The following SHANK2 variants were observed in gnomAD, a reference collection of about 807,000 sequenced individuals.
SHANK2 encodes the protein SH3 and multiple ankyrin repeat domains protein 2.
In SHANK2, 43 loss-of-function variants were observed where a neutral mutation model predicts 133.7. That is an observed-to-expected ratio of 0.32 (90% CI 0.25 to 0.41). The LOEUF is 0.41. Ranked by LOEUF, SHANK2 falls within the 10% of genes least tolerant of loss-of-function variation. The pLI is 1.00. For synonymous variants in SHANK2, 1,017 were observed against 952.8 expected, an observed-to-expected ratio of 1.07 and a Z score of -1.24; for missense variants, 1,994 against 2,235.8, an observed-to-expected ratio of 0.89 and a Z score of 2.18.
chr11:70,599,049 T>A (rs2060440821), intron 17 of SHANK2, among the ~76,000 whole-genome samples: 1 of 150,448 alleles, frequency 6.6e-6, no homozygotes, highest in Admixed American at 6.6e-5. Flanking sequence ...TTGCAGGTCC[T>A]AGCTAGCGGA....
At chr11:70,704,971 C>T (rs566961642) in intron 14 of SHANK2, among the ~76,000 whole-genome samples, 1 of 152,266 alleles carries the variant, frequency 6.6e-6, no homozygotes, top group South Asian at 2.1e-4. Flanking sequence ...ATTCCAAATG[C>T]AAGACCCCCA....
At chr11:71,215,517 G>T (rs1271468661) in intron 2 of SHANK2, among the ~76,000 whole-genome samples, 1 of 152,178 alleles carries the variant, frequency 6.6e-6, no homozygotes, top group Non-Finnish European at 1.5e-5. Context: ...CGAACGTGAG[G>T]TCAGGCCTGA....
intron 17 of SHANK2, among the ~76,000 whole-genome samples, chr11:70,549,693 G>C (rs1335425851): frequency 6.6e-6 from 1 of 152,168 alleles, no homozygotes. Flanking sequence ...GGGATGGGAC[G>C]AATGTATTAG....
chr11:70,800,684 A>G (rs945301775), intron 13 of SHANK2, among the ~76,000 whole-genome samples: 1 of 152,186 alleles, frequency 6.6e-6, no homozygotes, highest in Non-Finnish European at 1.5e-5. Context: ...CACTGCCTGA[A>G]GCATCTCCTC....
At chr11:70,489,206 A>T in intron 24 of SHANK2, 122 bp downstream of exon 24, 1 of 938,346 alleles carries the variant, frequency 1.1e-6, no homozygotes, top group Non-Finnish European at 1.8e-6. Context: ...TCCATTGACC[A>T]GTCACTCTGA....
intron 14 of SHANK2, among the ~76,000 whole-genome samples, chr11:70,718,810 G>GT (rs1310879010): frequency 1.3e-5 from 2 of 150,756 alleles, no homozygotes; most frequent in African/African-American, 4.9e-5. Context: ...ATTAGAAGGG[G>GT]TTGGGGATAC....
chr11:70,835,642 G>A (rs1555059874), intron 11 of SHANK2, among the ~76,000 whole-genome samples: 2 of 152,180 alleles, frequency 1.3e-5, no homozygotes, highest in African/African-American at 4.8e-5. Flanking sequence ...CTCTTGGAGT[G>A]AGCCATTCTC....
intron 17 of SHANK2, among the ~76,000 whole-genome samples, chr11:70,639,012 A>AC: frequency 7.2e-6 from 1 of 139,508 alleles, no homozygotes; most frequent in Non-Finnish European, 1.6e-5. Context: ...AAACAAAAAA[A>AC]CAAAAAAAAA....
intron 14 of SHANK2, among the ~76,000 whole-genome samples, chr11:70,792,195 TCAACCAAC>T (rs148250082): frequency 3.4e-5 from 5 of 145,112 alleles, no homozygotes; most frequent in African/African-American, 1.0e-4. Context: ...AGACAGCTAA[TCAACCAAC>T]CAACCAACCA....
intron 17 of SHANK2, among the ~76,000 whole-genome samples, chr11:70,505,432 G>A (rs890387092): frequency 6.6e-6 from 1 of 152,200 alleles, no homozygotes; most frequent in East Asian, 1.9e-4. Flanking sequence ...AGGCCAATGT[G>A]TGAGGCCTTG....
chr11:70,853,327 G>A (rs1254002028), intron 11 of SHANK2, among the ~76,000 whole-genome samples: 1 of 152,220 alleles, frequency 6.6e-6, no homozygotes, highest in African/African-American at 2.4e-5. Context: ...CAGCTTCCTG[G>A]GAGAGTCCAA....
chr11:70,918,984 T>A (rs1196447132), intron 10 of SHANK2, among the ~76,000 whole-genome samples: 1 of 151,878 alleles, frequency 6.6e-6, no homozygotes, highest in African/African-American at 2.4e-5. Flanking sequence ...GACAGCATAA[T>A]AAGACCCCAT....
At chr11:70,490,757 G>A (rs530484293) in intron 22 of SHANK2, among the ~76,000 whole-genome samples, 9 of 152,318 alleles carry the variant, frequency 5.9e-5, no homozygotes, top group Non-Finnish European at 1.3e-4. Context: ...GTGGTGGGCA[G>A]TGGGGTCTGG....
intron 21 of SHANK2, chr11:70,496,946 CTG>C: frequency 2.2e-6 from 1 of 456,648 alleles, no homozygotes; most frequent in South Asian, 1.5e-5. Flanking sequence ...ATCCCTGAAA[CTG>C]TGGCCACCTT....
chr11:70,938,715 G>A (rs1397834434), intron 10 of SHANK2, among the ~76,000 whole-genome samples: 5 of 152,150 alleles, frequency 3.3e-5, no homozygotes, highest in Non-Finnish European at 7.3e-5. Flanking sequence ...AAGCCCAGGA[G>A]CTGAGGAGGA....
At chr11:71,191,257 T>A (rs1953786588) in intron 2 of SHANK2, among the ~76,000 whole-genome samples, 1 of 152,194 alleles carries the variant, frequency 6.6e-6, no homozygotes, top group African/African-American at 2.4e-5. Context: ...CACAATTTAA[T>A]ACTGATAAAC....
intron 15 of SHANK2, among the ~76,000 whole-genome samples, chr11:70,676,973 A>G (rs181688781): frequency 4.6e-5 from 7 of 152,338 alleles, no homozygotes; most frequent in African/African-American, 1.7e-4. Context: ...ATTTCCCACT[A>G]ACCACAACAC....
Position 70,473,911 on chromosome 11 carries a change from C to T in SHANK2, c.4980-472G>A, listed in dbSNP as rs1410122987. ...AACGTGCCAGGCAACATCTCCAGCG[C>T]CTCAGCTTCAGCAGGTGGGAAGGAG... On this transcript the variant is annotated intron_variant, in intron 25 of 25. Transcript: ENST00000601538. The surrounding 1 kb of genome is among the most constrained non-coding windows in gnomAD (Gnocchi z 5.9). The T allele has an allele frequency of 8.1e-6, 2 of 246,508 alleles. No homozygotes were observed. The highest frequency in any genetic ancestry group is 1.6e-5 in the Non-Finnish European group (2 of 121,408). The allele number at this position is 246,508 out of a possible 1,614,324, so 15.3% of individuals were successfully genotyped here.
chr11:71,250,264 A>G (rs782374166), intron 1 of SHANK2, among the ~76,000 whole-genome samples: 1 of 152,218 alleles, frequency 6.6e-6, no homozygotes, highest in Non-Finnish European at 1.5e-5. Context: ...AAAGGGACCC[A>G]AAGAAGCACC....
Sources: allele counts gnomAD v4.1 joint callset (sites outside exome capture counted in the v4.1 genomes callset), GRCh38; gene constraint gnomAD v4.1.1; non-coding constraint Gnocchi (gnomAD v3.1); transcripts MANE v1.5; gene names NCBI Gene and HGNC (gene_info 2026-07-23, HGNC 2026-07-21).